The following BCL2 variants were observed in gnomAD, a reference collection of about 807,000 sequenced individuals.
BCL2 encodes the protein BCL2 apoptosis regulator, also known as apoptosis regulator Bcl-2.
Under a neutral mutation model 14.2 loss-of-function variants are expected in BCL2, and 1 was observed. The ratio of observed to expected loss-of-function variants is 0.07; its 90% CI spans 0.02 to 0.33. The LOEUF (loss-of-function observed/expected upper bound fraction) is 0.33. BCL2 is among the 10% of genes least tolerant of loss of function. BCL2 has a pLI of 0.99. For missense variants in BCL2, 247 were observed against 305.9 expected (o/e 0.81, Z 1.44); for synonymous variants, 151 against 137.2 (o/e 1.10, Z -0.70).
rs1211568518 is a variant in BCL2 at position 63,149,941 on chromosome 18, G to A, written c.586-21182C>T. Among the ~76,000 whole-genome samples, 1 of 151,984 alleles carries A rather than the reference G, an allele frequency of 6.6e-6. No homozygotes were observed. Among genetic ancestry groups the A allele is most frequent in the South Asian group, 2.1e-4 (1 of 4,828 alleles). On this transcript the variant is annotated intron_variant, in intron 2 of 2. Coordinates refer to ENST00000333681, the MANE Select transcript of BCL2 (RefSeq NM_000633.3). The surrounding 1 kb of genome is among the most constrained non-coding windows in gnomAD (Gnocchi z 4.2). ...GTTACCCAGGCTGGAGTGCAGTGGT[G>A]CGATCTCGGCTCACTGCAGCCTCTG...
chr18:63,293,746 C>A lies in BCL2; in HGVS notation c.585+24336G>T, dbSNP rs4987716. 6.3e-3 allele frequency among the ~76,000 whole-genome samples: 958 copies of A among 152,252 alleles called. 19 individuals carry two copies. The East Asian group carries it at 0.067, about 11-fold the overall frequency. On this transcript the variant is annotated intron_variant, in intron 2 of 2. Transcript: ENST00000333681. The stretch of plus-strand genomic sequence containing the variant: ...ACACCAAAACAAAGGAAAATGGGAT[C>A]AAAGTATAGCCAGCAACGTGAAAAG...
intron 2 of BCL2, among the ~76,000 whole-genome samples, chr18:63,241,958 T>C (rs1350908986): frequency 6.6e-6 from 1 of 152,242 alleles, no homozygotes; most frequent in Non-Finnish European, 1.5e-5. Flanking sequence ...CAAATTCAAC[T>C]AGTCCTTTCC....
chr18:63,179,913 T>C (rs1272798330), intron 2 of BCL2, among the ~76,000 whole-genome samples: 2 of 152,222 alleles, frequency 1.3e-5, no homozygotes, highest in Non-Finnish European at 2.9e-5. Flanking sequence ...GTGTCCTTAT[T>C]CTCTGATTGA....
chr18:63,292,608 A>G (rs1189528133), intron 2 of BCL2, among the ~76,000 whole-genome samples: 2 of 152,242 alleles, frequency 1.3e-5, no homozygotes, highest in Non-Finnish European at 2.9e-5. Context: ...GCAAATGGAC[A>G]GCAAATAAAC....
At chr18:63,220,502 A>G (rs1161743726) in intron 2 of BCL2, among the ~76,000 whole-genome samples, 1 of 152,224 alleles carries the variant, frequency 6.6e-6, no homozygotes, top group African/African-American at 2.4e-5. Flanking sequence ...TCCTGACACC[A>G]AACTCAGGCT....
At chr18:63,296,933 C>T (rs950820398) in intron 2 of BCL2, among the ~76,000 whole-genome samples, 1 of 152,190 alleles carries the variant, frequency 6.6e-6, no homozygotes, top group Admixed American at 6.5e-5. Flanking sequence ...TGGGAACCGG[C>T]CCCGCACGGT....
chr18:63,219,970 T>C (rs1310404624), intron 2 of BCL2, among the ~76,000 whole-genome samples: 1 of 152,212 alleles, frequency 6.6e-6, no homozygotes, highest in East Asian at 1.9e-4. Flanking sequence ...TCGGGGCCTT[T>C]ATTTCCTTCC....
chr18:63,226,474 T>C (rs1910551649), intron 2 of BCL2, among the ~76,000 whole-genome samples: 1 of 152,160 alleles, frequency 6.6e-6, no homozygotes. Context: ...GAATGCTCAT[T>C]AATAGGGAGA....
chr18:63,181,362 G>A (rs1915476953), intron 2 of BCL2, among the ~76,000 whole-genome samples: 3 of 152,176 alleles, frequency 2.0e-5, no homozygotes, highest in Non-Finnish European at 2.9e-5. Flanking sequence ...AACAAGCCCT[G>A]GAAGGCAGTA....
At chr18:63,277,927 A>G (rs913578459) in intron 2 of BCL2, among the ~76,000 whole-genome samples, 2 of 152,092 alleles carry the variant, frequency 1.3e-5, no homozygotes, top group African/African-American at 4.8e-5. Context: ...CTCCCAACTC[A>G]CTGTACAGAA....
rs998371556 is a variant in BCL2, at chr18:63,214,510, A to C, written c.586-85751T>G. Among the ~76,000 whole-genome samples the C allele has an allele frequency of 2.6e-5, 4 of 152,192 alleles. No individual in the cohort carries two copies. The East Asian group carries it at 7.7e-4, about 29-fold the overall frequency. On this transcript the variant is annotated intron_variant, in intron 2 of 2. Coordinates refer to ENST00000333681, the MANE Select transcript of BCL2 (RefSeq NM_000633.3). ...CTGTGTATTTTCAAGGTTGACTCAA[A>C]TGTTGAAAAGTCACCTGTGATGTGT...
At chr18:63,211,973 T>A (rs1401436889) in intron 2 of BCL2, among the ~76,000 whole-genome samples, 3 of 152,234 alleles carry the variant, frequency 2.0e-5, no homozygotes, top group African/African-American at 7.2e-5. Flanking sequence ...GAGGATGGTG[T>A]TCATGAATGC....
At chr18:63,199,472 CAT>C (rs1213774730) in intron 2 of BCL2, among the ~76,000 whole-genome samples, 14 of 150,548 alleles carry the variant, frequency 9.3e-5, no homozygotes, top group South Asian at 4.2e-4. Context: ...GACAAATGCA[CAT>C]AGACAACACA....
chr18:63,158,172 T>C (rs1056299023), intron 2 of BCL2, among the ~76,000 whole-genome samples: 2 of 152,098 alleles, frequency 1.3e-5, no homozygotes, highest in African/African-American at 4.8e-5. Flanking sequence ...TCCTGGTTTC[T>C]CAAGCTGGAG....
chr18:63,291,270 T>C (rs1317752288), intron 2 of BCL2, among the ~76,000 whole-genome samples: 1 of 152,204 alleles, frequency 6.6e-6, no homozygotes, highest in Non-Finnish European at 1.5e-5. Context: ...GGCTTCCATT[T>C]CTCTGTATTT....
Position 63,319,000 on chromosome 18 carries a change from G to A in BCL2, c.-286-48C>T, listed in dbSNP as rs560134104. 1.2e-4 allele frequency: 153 copies of A among 1,231,584 alleles called. No homozygotes were observed. Among genetic ancestry groups the A allele is most frequent in the South Asian group, 4.5e-4 (22 of 48,572 alleles). The allele number at this position is 1,231,584 out of a possible 1,614,324, so 76.3% of individuals were successfully genotyped here. On this transcript the variant is annotated intron_variant, in intron 1 of 2. Coordinates refer to ENST00000333681, the MANE Select transcript of BCL2 (RefSeq NM_000633.3). The surrounding 1 kb of genome is among the most constrained non-coding windows in gnomAD (Gnocchi z 7.4). ...AACTAATAAGTAAAAAATCAGGTGC[G>A]TTTCCCTGTACACACTGAGTGAAAG... is the stretch of plus-strand genomic sequence containing the variant.
chr18:63,249,952 G>T (rs989068760), intron 2 of BCL2, among the ~76,000 whole-genome samples: 1 of 152,054 alleles, frequency 6.6e-6, no homozygotes, highest in Non-Finnish European at 1.5e-5. Context: ...ACCGAATGCC[G>T]CACCGCACAC....
intron 2 of BCL2, among the ~76,000 whole-genome samples, chr18:63,165,931 A>G (rs1442010483): frequency 1.3e-5 from 2 of 152,214 alleles, no homozygotes; most frequent in Non-Finnish European, 2.9e-5. Flanking sequence ...ACATGCCCCA[A>G]ATGGGCAGAG....
chr18:63,178,005 A>C (rs954951473), intron 2 of BCL2, among the ~76,000 whole-genome samples: 3 of 152,154 alleles, frequency 2.0e-5, no homozygotes, highest in Non-Finnish European at 4.4e-5. Context: ...CCACTTCCCT[A>C]AGCTCACAGT....
Sources: gnomAD v4.1 joint callset for allele counts (sites outside exome capture counted in the v4.1 genomes callset) on GRCh38, gnomAD v4.1.1 for gene constraint, Gnocchi (gnomAD v3.1) non-coding constraint, MANE v1.5 for transcripts, NCBI Gene and HGNC (gene_info 2026-07-23, HGNC 2026-07-21) for gene names.